Variants in SPPL2A observed in about 807,000 individuals in gnomAD.
SPPL2A encodes signal peptide peptidase like 2A.
In SPPL2A, 51 loss-of-function variants were observed where a neutral mutation model predicts 63.8. That is an observed-to-expected ratio of 0.80 (90% confidence interval 0.64 to 1.01). SPPL2A has a LOEUF of 1.01. Ranked by LOEUF, SPPL2A falls within the 50% of genes least tolerant of loss-of-function variation. SPPL2A has a pLI of 0.00. For synonymous variants in SPPL2A, 188 were observed against 205.8 expected, an observed-to-expected ratio of 0.91 and a Z score of 0.74; for missense variants, 553 against 622.7, an observed-to-expected ratio of 0.89 and a Z score of 1.19.
At chr15:50,720,159 T>TC in intron 13 of SPPL2A, 59 bp from the exon 14 acceptor site, 3 of 1,393,816 alleles carry the variant, frequency 2.2e-6, no homozygotes, top group Non-Finnish European at 2.0e-6. Flanking sequence ...GTGGGTTTTT[T>TC]CCTCTGTCAT....
chr15:50,737,905 C>T (rs2062784551), intron 6 of SPPL2A, among the ~76,000 whole-genome samples: 1 of 151,394 alleles, frequency 6.6e-6, no homozygotes, highest in Non-Finnish European at 1.5e-5. Flanking sequence ...AACCCTGTTT[C>T]TACTAAAAAT....
intron 3 of SPPL2A, 147 bp from the exon 4 acceptor site, chr15:50,748,349 A>G (rs1329151471): frequency 4.7e-6 from 2 of 429,882 alleles, no homozygotes; most frequent in African/African-American, 4.2e-5. Flanking sequence ...AAGTTCTCAA[A>G]ATTGAATCCT....
Position 50,759,077 on chromosome 15 carries a change from T to A in SPPL2A, c.66+6391A>T, listed in dbSNP as rs530206112. Reference sequence around the variant, plus strand: ...CACTGTACCCGGCTAATTTATAAAGTTTTTTTAAAGATGGGGTCTTACTAT... The same window carrying A: ...CACTGTACCCGGCTAATTTATAAAGATTTTTTAAAGATGGGGTCTTACTAT... On this transcript the variant is annotated intron_variant, in intron 1 of 14. Coordinates refer to ENST00000261854, the MANE Select transcript of SPPL2A (RefSeq NM_032802.4). Among the ~76,000 whole-genome samples the A allele has an allele frequency of 3.9e-5, 6 of 152,112 alleles. No homozygotes were observed. In the South Asian group the frequency reaches 1.2e-3, roughly 32 times the overall value.
At chr15:50,762,324 C>T (rs563913985) in intron 1 of SPPL2A, among the ~76,000 whole-genome samples, 5 of 148,870 alleles carry the variant, frequency 3.4e-5, no homozygotes, top group East Asian at 2.0e-4. Flanking sequence ...GCTGAGATCG[C>T]ACCACTGCAC....
intron 12 of SPPL2A, 27 bp from the exon 13 acceptor site, chr15:50,722,228 T>A (rs1293387221): frequency 4.4e-6 from 6 of 1,352,032 alleles, no homozygotes; most frequent in Non-Finnish European, 6.3e-6. Flanking sequence ...AACATTATTT[T>A]CTTAAAACAA....
At chr15:50,713,298 G>GCTGT (rs2062574241) in intron 14 of SPPL2A, among the ~76,000 whole-genome samples, 1 of 138,962 alleles carries the variant, frequency 7.2e-6, no homozygotes, top group African/African-American at 2.7e-5. Flanking sequence ...ATAGAGTCTT[G>GCTGT]CTGTCGCCCA....
At position 50,702,321 on chromosome 15, in the gene SPPL2A, T is replaced by C. The variant is rs981229017; in HGVS notation, c.*5479A>G. ...CATAGTATATTAAATACATAAAAAA[T>C]TGTTTTTCTTGTCAGTATTGGCACA... On this transcript the variant is annotated 3_prime_UTR_variant, in exon 15 of 15. Coordinates refer to ENST00000261854, the MANE Select transcript of SPPL2A (RefSeq NM_032802.4). 2.0e-5 allele frequency: 3 copies of C among 152,152 alleles called. No individual in the cohort carries two copies. The highest frequency in any genetic ancestry group is 2.9e-5 in the Non-Finnish European group (2 of 68,020). 9.4% of individuals were successfully genotyped at this position (152,152 alleles called of 1,614,324 possible).
chr15:50,744,649 TAC>T (rs2062844930), intron 5 of SPPL2A, among the ~76,000 whole-genome samples: 1 of 152,240 alleles, frequency 6.6e-6, no homozygotes, highest in East Asian at 1.9e-4. Context: ...TAAATTAAAA[TAC>T]AGACATGCTT....
intron 14 of SPPL2A, among the ~76,000 whole-genome samples, chr15:50,709,435 G>A (rs2062539417): frequency 6.6e-6 from 1 of 152,178 alleles, no homozygotes; most frequent in African/African-American, 2.4e-5. Context: ...CAGGCAGAAA[G>A]AATACAACGT....
At chr15:50,747,776 T>C in intron 4 of SPPL2A, 148 bp from the exon 5 acceptor site, 1 of 627,368 alleles carries the variant, frequency 1.6e-6, no homozygotes, top group Non-Finnish European at 2.8e-6. Flanking sequence ...CATGATATAT[T>C]CTCTAGTCAA....
intron 8 of SPPL2A, 129 bp downstream of exon 8, chr15:50,735,972 G>A: frequency 3.4e-6 from 2 of 587,970 alleles, no homozygotes; most frequent in Non-Finnish European, 6.0e-6. Flanking sequence ...TATTTAAGAA[G>A]TAGTTCATTA....
At chr15:50,764,909 C>T (rs2063044330) in intron 1 of SPPL2A, among the ~76,000 whole-genome samples, 1 of 133,432 alleles carries the variant, frequency 7.5e-6, no homozygotes, top group African/African-American at 2.9e-5. Flanking sequence ...TAAAACCCCC[C>T]CTCCAAAAAA....
chr15:50,757,405 C>G (rs1001676082), intron 1 of SPPL2A, among the ~76,000 whole-genome samples: 1 of 152,026 alleles, frequency 6.6e-6, no homozygotes, highest in Non-Finnish European at 1.5e-5. Context: ...TTATACTCTT[C>G]TAAATACTCC....
chr15:50,727,422 AATACT>A (rs986802494), intron 10 of SPPL2A, among the ~76,000 whole-genome samples: 1 of 152,234 alleles, frequency 6.6e-6, no homozygotes, highest in African/African-American at 2.4e-5. Flanking sequence ...AAAATAAACT[AATACT>A]AAGTACAGTT....
At chr15:50,758,068 C>G (rs2062976781) in intron 1 of SPPL2A, among the ~76,000 whole-genome samples, 1 of 148,368 alleles carries the variant, frequency 6.7e-6, no homozygotes, top group Non-Finnish European at 1.5e-5. Flanking sequence ...GTGGGTGGAT[C>G]ACGAGGTCAG....
intron 2 of SPPL2A, among the ~76,000 whole-genome samples, 160 bp downstream of exon 2, chr15:50,749,476 A>G (rs188432321): frequency 6.6e-6 from 1 of 151,940 alleles, no homozygotes; most frequent in Non-Finnish European, 1.5e-5. Context: ...TTAGTAGAGA[A>G]GGGGTTTCAC....
chr15:50,740,439 A>G (rs1005137107), intron 5 of SPPL2A, among the ~76,000 whole-genome samples: 4 of 148,802 alleles, frequency 2.7e-5, no homozygotes, highest in African/African-American at 7.3e-5. Context: ...AAAAAAAAAA[A>G]AAAAAAGAAA....
intron 1 of SPPL2A, among the ~76,000 whole-genome samples, chr15:50,754,928 G>A (rs1046267339): frequency 4.6e-5 from 7 of 151,660 alleles, no homozygotes; most frequent in Non-Finnish European, 8.8e-5. Context: ...GTTGCGGTGA[G>A]CCAAGATCGA....
Position 50,707,781 on chromosome 15 carries a change from A to T in SPPL2A, c.*19T>A. Reference sequence around the variant, plus strand: ...ATTTGTAGAAAATCAATGACACATTATAGCAGTTCCACATAATATTATTGC... The same window carrying T: ...ATTTGTAGAAAATCAATGACACATTTTAGCAGTTCCACATAATATTATTGC... On this transcript the variant is annotated 3_prime_UTR_variant, in exon 15 of 15. Transcript: ENST00000261854. 1 of 1,283,336 alleles carries T rather than the reference A, an allele frequency of 7.8e-7. No individual in the cohort carries two copies. The highest frequency in any genetic ancestry group is 1.1e-6 in the Non-Finnish European group (1 of 881,030). 79.5% of individuals were successfully genotyped at this position (1,283,336 alleles called of 1,614,324 possible). A position where few individuals can be genotyped will look rare whatever the true frequency, so the allele number is the denominator to read the frequency against.
Sources: allele counts gnomAD v4.1 joint callset (sites outside exome capture counted in the v4.1 genomes callset), GRCh38; gene constraint gnomAD v4.1.1; transcripts MANE v1.5; gene names NCBI Gene and HGNC (gene_info 2026-07-23, HGNC 2026-07-21).